APBB1IP: variants seen among roughly 807,000 people sequenced by gnomAD.
APBB1IP encodes the protein amyloid beta A4 precursor protein-binding family B member 1-interacting protein.
APBB1IP carries 27 observed loss-of-function variants against 64.9 expected under a neutral mutation model. The observed-to-expected ratio is 0.42, with a 90% confidence interval of 0.31 to 0.57. The LOEUF (loss-of-function observed/expected upper bound fraction) is 0.57, where lower values mean the gene tolerates loss of function less well. Among genes scored for constraint, APBB1IP ranks in the 20% least tolerant of loss-of-function variants. The probability of loss-of-function intolerance (pLI) is 0.20; values close to 1 mark genes in which losing one functional copy is unlikely to be tolerated. For missense variants in APBB1IP, 812 were observed against 845.5 expected, an observed-to-expected ratio of 0.96 and a Z score of 0.49; for synonymous variants, 392 against 331.0, an observed-to-expected ratio of 1.18 and a Z score of -2.00.
chr10:26,557,429 T>C (rs543105761), intron 11 of APBB1IP, among the ~76,000 whole-genome samples: 5 of 152,318 alleles, frequency 3.3e-5, no homozygotes, highest in South Asian at 2.1e-4. Flanking sequence ...GTGACCTACA[T>C]AGAGAATACA....
At chr10:26,442,126 G>A (rs574958340) in intron 2 of APBB1IP, among the ~76,000 whole-genome samples, 3 of 152,240 alleles carry the variant, frequency 2.0e-5, no homozygotes, top group African/African-American at 4.8e-5. Flanking sequence ...AATTCCATGC[G>A]GAACCAGAGT....
At chr10:26,506,185 C>T (rs1469191890) in intron 6 of APBB1IP, among the ~76,000 whole-genome samples, 2 of 150,248 alleles carry the variant, frequency 1.3e-5, no homozygotes, top group Non-Finnish European at 2.9e-5. Context: ...GCACACATCC[C>T]CAGTATTCCC....
chr10:26,481,923 T>A (rs760738416), intron 2 of APBB1IP, among the ~76,000 whole-genome samples: 1 of 151,952 alleles, frequency 6.6e-6, no homozygotes, highest in Non-Finnish European at 1.5e-5. Flanking sequence ...TTTTTTTAAA[T>A]TACTGAAATA....
chr10:26,444,055 C>A (rs966540134), intron 2 of APBB1IP, among the ~76,000 whole-genome samples: 2 of 152,000 alleles, frequency 1.3e-5, no homozygotes, highest in African/African-American at 4.8e-5. Context: ...TTGCAATATG[C>A]GATAAGGTGG....
chr10:26,452,533 T>A (rs1348537525), intron 2 of APBB1IP, among the ~76,000 whole-genome samples: 1 of 152,252 alleles, frequency 6.6e-6, no homozygotes, highest in Non-Finnish European at 1.5e-5. Context: ...TCTAACTATC[T>A]AATTTCTCTA....
At chr10:26,544,200 A>G (rs938360075) in intron 11 of APBB1IP, among the ~76,000 whole-genome samples, 1 of 152,170 alleles carries the variant, frequency 6.6e-6, no homozygotes. Context: ...ACATCTTCCC[A>G]TGTCTGGAAT....
intron 3 of APBB1IP, 133 bp from the exon 4 acceptor site, chr10:26,496,171 C>G: frequency 1.8e-6 from 1 of 550,020 alleles, no homozygotes; most frequent in East Asian, 3.0e-5. Context: ...TTTCAAGTTA[C>G]CATATGGTTT....
At chr10:26,530,672 G>C (rs888568034) in intron 8 of APBB1IP, among the ~76,000 whole-genome samples, 3 of 145,762 alleles carry the variant, frequency 2.1e-5, no homozygotes, top group African/African-American at 7.8e-5. Flanking sequence ...CCTGGCGACA[G>C]AGCAAGACTC....
intron 2 of APBB1IP, among the ~76,000 whole-genome samples, chr10:26,443,617 C>T (rs4749130): frequency 0.39 from 58,654 of 151,430 alleles, 11,512 homozygotes; most frequent in South Asian, 0.49. Flanking sequence ...TCACTGTAGC[C>T]TCAACCTCCT....
At chr10:26,454,007 A>T (rs1835493977) in intron 2 of APBB1IP, among the ~76,000 whole-genome samples, 1 of 152,246 alleles carries the variant, frequency 6.6e-6, no homozygotes, top group African/African-American at 2.4e-5. Flanking sequence ...GTACTTATCC[A>T]CAATGGAGTA....
intron 14 of APBB1IP, among the ~76,000 whole-genome samples, chr10:26,564,325 T>G (rs1837011909): frequency 1.3e-5 from 2 of 152,184 alleles, no homozygotes; most frequent in African/African-American, 4.8e-5. Context: ...GGGCTATGCG[T>G]CTATTAGACT....
At chr10:26,480,621 T>C (rs1367497624) in intron 2 of APBB1IP, among the ~76,000 whole-genome samples, 1 of 81,602 alleles carries the variant, frequency 1.2e-5, no homozygotes, top group African/African-American at 6.3e-5. Context: ...GAGCTGCTTC[T>C]TTTTTTTTTT....
At chr10:26,532,475 AT>A (rs377121372) in intron 8 of APBB1IP, among the ~76,000 whole-genome samples, 6 of 151,932 alleles carry the variant, frequency 3.9e-5, no homozygotes, top group African/African-American at 7.2e-5. Context: ...TTATTTCTTT[AT>A]TTTTTTATTT....
intron 2 of APBB1IP, among the ~76,000 whole-genome samples, chr10:26,462,049 G>A (rs543955781): frequency 2.2e-4 from 34 of 152,266 alleles, no homozygotes; most frequent in Admixed American, 3.9e-4. Context: ...CCAAATCCAC[G>A]TGGCTGCTTC....
intron 2 of APBB1IP, among the ~76,000 whole-genome samples, chr10:26,482,309 C>T (rs574672622): frequency 1.1e-4 from 16 of 152,268 alleles, no homozygotes; most frequent in Admixed American, 2.0e-4. Context: ...TCCTGTTTTA[C>T]GCTACACAGA....
intron 6 of APBB1IP, among the ~76,000 whole-genome samples, chr10:26,503,589 C>T (rs1002282330): frequency 1.3e-5 from 2 of 151,902 alleles, no homozygotes; most frequent in African/African-American, 2.4e-5. Flanking sequence ...GAGCTGAGAT[C>T]GAGCCACTGC....
chr10:26,537,376 T>G (rs146403293), intron 10 of APBB1IP, among the ~76,000 whole-genome samples: 1 of 152,242 alleles, frequency 6.6e-6, no homozygotes, highest in Non-Finnish European at 1.5e-5. Context: ...GACTCTTGTC[T>G]CTATCGGAAG....
At chr10:26,514,639 C>T (rs1836301220) in intron 8 of APBB1IP, among the ~76,000 whole-genome samples, 1 of 151,044 alleles carries the variant, frequency 6.6e-6, no homozygotes. Flanking sequence ...TGAAGAAGTT[C>T]CTCTCCATTT....
intron 2 of APBB1IP, among the ~76,000 whole-genome samples, chr10:26,464,437 G>C (rs965804126): frequency 6.6e-6 from 1 of 152,146 alleles, no homozygotes; most frequent in Non-Finnish European, 1.5e-5. Flanking sequence ...GTCCCACTCT[G>C]TTACCCAGGC....
Sources: allele counts gnomAD v4.1 joint callset (sites outside exome capture counted in the v4.1 genomes callset), GRCh38; gene constraint gnomAD v4.1.1; transcripts MANE v1.5; gene names NCBI Gene and HGNC (gene_info 2026-07-23, HGNC 2026-07-21).